The following SGCZ variants were observed in gnomAD, a reference collection of about 807,000 sequenced individuals.
SGCZ encodes sarcoglycan zeta.
A neutral mutation model predicts 41.3 loss-of-function variants in SGCZ; 40 were observed. That is an observed-to-expected ratio of 0.97 (90% CI 0.75 to 1.26). The LOEUF (loss-of-function observed/expected upper bound fraction) is 1.26, where lower values mean the gene tolerates loss of function less well. SGCZ is among the 50% of genes most tolerant of loss of function. The pLI is 0.00. For synonymous variants in SGCZ, 206 were observed against 137.5 expected (o/e 1.50, Z -3.49); for missense variants, 552 against 369.8 (o/e 1.49, Z -4.04).
chr8:14,307,136 C>T (rs1801375709), intron 3 of SGCZ, among the ~76,000 whole-genome samples: 2 of 152,098 alleles, frequency 1.3e-5, no homozygotes, highest in African/African-American at 2.4e-5. Context: ...ATAACAAGAG[C>T]ATCTGTGGGA....
rs185575933 is a variant in SGCZ, at chr8:15,083,796, G to A, written c.39+153789C>T. On this transcript the variant is annotated intron_variant, in intron 1 of 7. Transcript: ENST00000382080. ...TTGTTTTGAGATGGGGTCTCCCTAC[G>A]TTCCCCAGGCTGGTCTCTAGCTCTT... Among the ~76,000 whole-genome samples the A allele has an allele frequency of 7.9e-5, 12 of 152,034 alleles. No individual in the cohort carries two copies. In the South Asian group the frequency reaches 8.3e-4, roughly 11 times the overall value.
chr8:14,121,726 A>T (rs1197208081), intron 5 of SGCZ, among the ~76,000 whole-genome samples: 1 of 152,182 alleles, frequency 6.6e-6, no homozygotes, highest in Non-Finnish European at 1.5e-5. Flanking sequence ...AGGACATATA[A>T]TATAACCAAA....
intron 1 of SGCZ, among the ~76,000 whole-genome samples, chr8:14,992,460 T>C (rs529599001): frequency 6.7e-6 from 1 of 148,708 alleles, no homozygotes; most frequent in Non-Finnish European, 1.5e-5. Flanking sequence ...ATCCTCCTCA[T>C]CCAATCTACT....
intron 2 of SGCZ, among the ~76,000 whole-genome samples, chr8:14,549,948 G>C (rs559137108): frequency 3.1e-4 from 47 of 152,114 alleles, no homozygotes; most frequent in Middle Eastern, 6.8e-3. Flanking sequence ...ACTCCTACAG[G>C]TTGCTAGTGG....
At chr8:14,248,406 G>A (rs1056108830) in intron 3 of SGCZ, among the ~76,000 whole-genome samples, 3 of 152,034 alleles carry the variant, frequency 2.0e-5, no homozygotes, top group East Asian at 1.9e-4. Context: ...TCCCAGATGC[G>A]TATTTGTATA....
chr8:14,526,216 T>G (rs1563386729), intron 2 of SGCZ, among the ~76,000 whole-genome samples: 1 of 152,134 alleles, frequency 6.6e-6, no homozygotes, highest in Non-Finnish European at 1.5e-5. Flanking sequence ...AAGTGTAATA[T>G]TTGACAGCAA....
At chr8:14,571,429 G>A (rs1044859563) in intron 1 of SGCZ, among the ~76,000 whole-genome samples, 6 of 152,172 alleles carry the variant, frequency 3.9e-5, no homozygotes, top group Non-Finnish European at 7.3e-5. Flanking sequence ...CACGGAGGCA[G>A]GCAATTAGCT....
At chr8:14,795,519 T>G (rs1407330867) in intron 1 of SGCZ, among the ~76,000 whole-genome samples, 1 of 152,146 alleles carries the variant, frequency 6.6e-6, no homozygotes, top group African/African-American at 2.4e-5. Flanking sequence ...CATACCTTAC[T>G]GCAGCCTCCA....
At chr8:14,580,195 G>A (rs1804842337) in intron 1 of SGCZ, among the ~76,000 whole-genome samples, 1 of 152,102 alleles carries the variant, frequency 6.6e-6, no homozygotes, top group African/African-American at 2.4e-5. Flanking sequence ...GAGTAAAATG[G>A]GTCAACAGTA....
chr8:14,745,166 G>T (rs1799306942), intron 1 of SGCZ, among the ~76,000 whole-genome samples: 1 of 151,854 alleles, frequency 6.6e-6, no homozygotes, highest in Admixed American at 6.6e-5. Context: ...CTCTTTCGCT[G>T]TGCAACATCA....
intron 4 of SGCZ, among the ~76,000 whole-genome samples, chr8:14,229,831 T>C (rs897611327): frequency 2.6e-5 from 4 of 152,128 alleles, no homozygotes; most frequent in South Asian, 4.1e-4. Flanking sequence ...ATATTTATTA[T>C]AAAACCCTCA....
chr8:14,612,474 A>G (rs1805961161), intron 1 of SGCZ, among the ~76,000 whole-genome samples: 1 of 152,134 alleles, frequency 6.6e-6, no homozygotes, highest in African/African-American at 2.4e-5. Flanking sequence ...TTTATAACTT[A>G]CCCAGACTCA....
chr8:14,237,967 T>C (rs189182229), intron 3 of SGCZ, among the ~76,000 whole-genome samples: 7 of 152,328 alleles, frequency 4.6e-5, no homozygotes, highest in African/African-American at 2.4e-5. Context: ...CCTTTTCCTT[T>C]TTCTCTCCCA....
chr8:14,395,436 G>C (rs895366780), intron 2 of SGCZ, among the ~76,000 whole-genome samples: 1 of 152,110 alleles, frequency 6.6e-6, no homozygotes, highest in Non-Finnish European at 1.5e-5. Flanking sequence ...CTATTGCAAA[G>C]ACAGGACACT....
chr8:14,334,315 T>C (rs1044796198), intron 2 of SGCZ, among the ~76,000 whole-genome samples: 13 of 152,196 alleles, frequency 8.5e-5, no homozygotes, highest in Middle Eastern at 3.4e-3. Flanking sequence ...CTTCAGCAGA[T>C]ATTGAGCCTA....
chr8:14,427,069 T>C (rs1279122686), intron 2 of SGCZ, among the ~76,000 whole-genome samples: 138 of 95,584 alleles, frequency 1.4e-3, no homozygotes, highest in African/African-American at 2.9e-3. Context: ...AATGAATGAG[T>C]GAATGAACGA....
intron 1 of SGCZ, among the ~76,000 whole-genome samples, chr8:14,618,919 G>A (rs1806194697): frequency 6.6e-6 from 1 of 152,140 alleles, no homozygotes; most frequent in Admixed American, 6.6e-5. Context: ...TGGAAAAGCA[G>A]TTGAGCTGCA....
intron 3 of SGCZ, 62 bp from the exon 4 acceptor site, chr8:14,237,741 A>AT (rs35876033): frequency 0.25 from 375,163 of 1,473,866 alleles, 55,464 homozygotes; most frequent in Non-Finnish European, 0.29. Flanking sequence ...TTACAAAAAA[A>AT]TATACTGCAT....
At chr8:15,069,047 A>G (rs765066999) in intron 1 of SGCZ, among the ~76,000 whole-genome samples, 1 of 152,244 alleles carries the variant, frequency 6.6e-6, no homozygotes, top group Non-Finnish European at 1.5e-5. Flanking sequence ...TGCTGAAGTT[A>G]AAGTATTGGC....
Sources: gnomAD v4.1 joint callset for allele counts (sites outside exome capture counted in the v4.1 genomes callset) on GRCh38, gnomAD v4.1.1 for gene constraint, MANE v1.5 for transcripts, NCBI Gene and HGNC (gene_info 2026-07-23, HGNC 2026-07-21) for gene names.